Variants in TBCA observed in about 807,000 individuals in gnomAD.
TBCA encodes tubulin folding cofactor A.
A neutral mutation model predicts 15.8 loss-of-function variants in TBCA; 6 were observed. The ratio of observed to expected loss-of-function variants is 0.38; its 90% CI spans 0.21 to 0.75. The LOEUF (loss-of-function observed/expected upper bound fraction) is 0.75, where lower values mean the gene tolerates loss of function less well. TBCA is among the 30% of genes least tolerant of loss of function. TBCA has a pLI of 0.46. For missense variants in TBCA, 90 were observed against 131.2 expected, an observed-to-expected ratio of 0.69 and a Z score of 1.53; for synonymous variants, 32 against 42.3, an observed-to-expected ratio of 0.76 and a Z score of 0.94.
At chr5:77,721,260 AT>A (rs1344211699) in intron 1 of TBCA, among the ~76,000 whole-genome samples, 4 of 152,142 alleles carry the variant, frequency 2.6e-5, no homozygotes, top group Non-Finnish European at 5.9e-5. Flanking sequence ...AGAATCTGGG[AT>A]TTCTTAGTTG....
intron 1 of TBCA, among the ~76,000 whole-genome samples, chr5:77,714,153 C>A (rs1746345482): frequency 6.6e-6 from 1 of 151,988 alleles, no homozygotes; most frequent in Non-Finnish European, 1.5e-5. Flanking sequence ...AAACCCATCT[C>A]TACTAAAAAT....
chr5:77,708,360 CA>C lies in TBCA; in HGVS notation c.54-14del, dbSNP rs1746197307. 1 of 1,551,312 alleles carries C rather than the reference CA, an allele frequency of 6.4e-7. No individual in the cohort carries two copies. The highest frequency in any genetic ancestry group is 8.9e-7 in the Non-Finnish European group (1 of 1,129,690). ...TTCTTTGACCAACCTATAAAAAAGC[CA>C]AAAATGTTTTAGAAAATTAGCTTTC... On this transcript the variant is annotated splice_polypyrimidine_tract_variant and intron_variant, in intron 1 of 3. Transcript: ENST00000380377.
At chr5:77,772,522 T>C (rs919905412) in intron 1 of TBCA, among the ~76,000 whole-genome samples, 34 of 152,076 alleles carry the variant, frequency 2.2e-4, no homozygotes, top group African/African-American at 7.7e-4. Flanking sequence ...AGGTAGAAGA[T>C]GGAAAGAGTC....
At chr5:77,770,042 A>C (rs1747871268) in intron 1 of TBCA, among the ~76,000 whole-genome samples, 1 of 152,220 alleles carries the variant, frequency 6.6e-6, no homozygotes. Flanking sequence ...GCTTTATTGA[A>C]AGCTGGCTTT....
intron 1 of TBCA, among the ~76,000 whole-genome samples, chr5:77,748,021 A>G (rs911980470): frequency 6.6e-6 from 1 of 152,198 alleles, no homozygotes; most frequent in African/African-American, 2.4e-5. Flanking sequence ...GCCTCTTGAG[A>G]TCACTAATAC....
At chr5:77,776,150 G>A (rs1748021875) in intron 1 of TBCA, 55 bp downstream of exon 1, 5 of 1,546,004 alleles carry the variant, frequency 3.2e-6, no homozygotes, top group East Asian at 4.9e-5. Flanking sequence ...TCAGCCTCGC[G>A]GGCCGCCATG....
At chr5:77,752,721 G>C (rs1580128974) in intron 1 of TBCA, among the ~76,000 whole-genome samples, 1 of 111,294 alleles carries the variant, frequency 9.0e-6, no homozygotes, top group Admixed American at 1.0e-4. Context: ...ACCGCGCCCG[G>C]CTAATTTTTT....
chr5:77,707,455 G>C (rs1746176087), intron 2 of TBCA, among the ~76,000 whole-genome samples: 1 of 152,112 alleles, frequency 6.6e-6, no homozygotes, highest in African/African-American at 2.4e-5. Flanking sequence ...GGTAGGTAAG[G>C]CCAGGAGTAA....
intron 1 of TBCA, among the ~76,000 whole-genome samples, chr5:77,718,382 C>T (rs1030356422): frequency 1.3e-5 from 2 of 152,140 alleles, no homozygotes; most frequent in African/African-American, 2.4e-5. Flanking sequence ...TTTCACTGTG[C>T]TTCAAAGGAA....
At chr5:77,743,489 A>T (rs1747097157) in intron 1 of TBCA, among the ~76,000 whole-genome samples, 1 of 152,242 alleles carries the variant, frequency 6.6e-6, no homozygotes, top group African/African-American at 2.4e-5. Flanking sequence ...ACGAGTGGGG[A>T]AAGGTTAGCA....
chr5:77,741,419 T>C (rs1221265793), intron 1 of TBCA, among the ~76,000 whole-genome samples: 1 of 152,178 alleles, frequency 6.6e-6, no homozygotes, highest in Non-Finnish European at 1.5e-5. Context: ...GATCTTTTAT[T>C]CCAAGAGGAG....
At chr5:77,733,742 T>C (rs901579811) in intron 1 of TBCA, among the ~76,000 whole-genome samples, 11 of 152,252 alleles carry the variant, frequency 7.2e-5, no homozygotes, top group African/African-American at 2.2e-4. Flanking sequence ...ATGATCTAGC[T>C]AAGATCACTG....
chr5:77,697,887 T>C (rs773292189), intron 2 of TBCA, among the ~76,000 whole-genome samples: 2 of 152,084 alleles, frequency 1.3e-5, no homozygotes, highest in African/African-American at 4.8e-5. Flanking sequence ...CCTAACACTT[T>C]GGGAGGTTGG....
intron 1 of TBCA, among the ~76,000 whole-genome samples, chr5:77,722,710 G>A (rs1188156182): frequency 6.6e-6 from 1 of 151,816 alleles, no homozygotes; most frequent in Non-Finnish European, 1.5e-5. Flanking sequence ...AATCCAAAAT[G>A]ATGAAAAAGT....
chr5:77,770,014 A>T (rs1747870790), intron 1 of TBCA, among the ~76,000 whole-genome samples: 1 of 152,256 alleles, frequency 6.6e-6, no homozygotes. Context: ...TTCACTCACC[A>T]GTGAACTAGT....
intron 1 of TBCA, among the ~76,000 whole-genome samples, chr5:77,718,483 A>G (rs989619877): frequency 6.6e-6 from 1 of 152,216 alleles, no homozygotes; most frequent in Admixed American, 6.5e-5. Flanking sequence ...TGCATTAATT[A>G]AGAATTCTCA....
chr5:77,750,203 T>A (rs976463543), intron 1 of TBCA, among the ~76,000 whole-genome samples: 1 of 151,650 alleles, frequency 6.6e-6, no homozygotes, highest in African/African-American at 2.4e-5. Flanking sequence ...CACACACACA[T>A]ATTTGTGCCA....
At chr5:77,721,962 T>C (rs1381582167) in intron 1 of TBCA, among the ~76,000 whole-genome samples, 1 of 152,068 alleles carries the variant, frequency 6.6e-6, no homozygotes, top group Non-Finnish European at 1.5e-5. Flanking sequence ...AATAGTATTG[T>C]TTTAGCATGT....
intron 1 of TBCA, among the ~76,000 whole-genome samples, chr5:77,736,939 G>C (rs1209897322): frequency 6.6e-6 from 1 of 152,140 alleles, no homozygotes. Flanking sequence ...TTAACATTCA[G>C]TAACTGAAAC....
Sources: allele counts gnomAD v4.1 joint callset (sites outside exome capture counted in the v4.1 genomes callset), GRCh38; gene constraint gnomAD v4.1.1; transcripts MANE v1.5; gene names NCBI Gene and HGNC (gene_info 2026-07-23, HGNC 2026-07-21).